IPO7: variants seen among roughly 807,000 people sequenced by gnomAD.
The protein encoded by IPO7 is importin-7.
Under a neutral mutation model 136.4 loss-of-function variants are expected in IPO7, and 13 were observed. The observed-to-expected ratio is 0.10, with a 90% CI of 0.06 to 0.15. The LOEUF (loss-of-function observed/expected upper bound fraction) is 0.15, where lower values mean the gene tolerates loss of function less well. Ranked by LOEUF, IPO7 falls within the 10% of genes least tolerant of loss-of-function variation. IPO7 has a pLI of 1.00. For missense variants in IPO7, 857 were observed against 1,240.6 expected, an observed-to-expected ratio of 0.69 and a Z score of 4.65; for synonymous variants, 403 against 404.4, an observed-to-expected ratio of 1.00 and a Z score of 0.04.
chr11:9,401,890 T>G (rs1030504009), intron 1 of IPO7, among the ~76,000 whole-genome samples: 2 of 152,170 alleles, frequency 1.3e-5, no homozygotes, highest in Non-Finnish European at 2.9e-5. Flanking sequence ...GAAATAACAT[T>G]ATTACCACCT....
intron 18 of IPO7, among the ~76,000 whole-genome samples, chr11:9,434,411 A>T (rs1855342510): frequency 6.6e-6 from 1 of 152,178 alleles, no homozygotes; most frequent in Non-Finnish European, 1.5e-5. Flanking sequence ...TAAATGTAAA[A>T]ATGTGTCTAT....
intron 10 of IPO7, among the ~76,000 whole-genome samples, 173 bp from the exon 11 acceptor site, chr11:9,424,741 C>T (rs940477291): frequency 6.6e-6 from 1 of 152,246 alleles, no homozygotes. Context: ...GACTCCATCT[C>T]AAAACAAACA....
At chr11:9,385,929 G>C (rs1385581950) in intron 1 of IPO7, among the ~76,000 whole-genome samples, 1 of 152,198 alleles carries the variant, frequency 6.6e-6, no homozygotes, top group Non-Finnish European at 1.5e-5. Context: ...GCATGCTGCT[G>C]AATCTGCCAG....
Position 9,438,206 on chromosome 11 carries a change from G to A in IPO7, c.2616G>A (p.Leu872=), listed in dbSNP as rs766115268. Residue 872 remains leucine, a synonymous_variant, in exon 22 of 25, where the codon TTG becomes TTA. Transcript: ENST00000379719. ...LPAFILLFNG[L]KRAYACHAEH... ...CTTTTATCCTTTTATTTAACGGATT[G>A]AAAAGAGCATATGCCTGCCATGCAG... The A allele has an allele frequency of 1.2e-6, 2 of 1,613,322 alleles. No individual in the cohort carries two copies. The highest frequency in any genetic ancestry group is 2.7e-5 in the African/African-American group (2 of 74,828).
intron 1 of IPO7, among the ~76,000 whole-genome samples, chr11:9,395,379 G>A (rs997610475): frequency 1.3e-5 from 2 of 152,080 alleles, no homozygotes; most frequent in African/African-American, 4.8e-5. Context: ...GAGTAGCTGG[G>A]ATTACAGGCG....
At chr11:9,389,518 G>A (rs1854598878) in intron 1 of IPO7, among the ~76,000 whole-genome samples, 1 of 152,114 alleles carries the variant, frequency 6.6e-6, no homozygotes. Context: ...TAATCACCAC[G>A]TCACTGGCCC....
intron 1 of IPO7, among the ~76,000 whole-genome samples, chr11:9,397,340 A>AT (rs1564991960): frequency 2.1e-5 from 1 of 48,364 alleles, no homozygotes; most frequent in African/African-American, 1.1e-4. Flanking sequence ...ATTTAAAAAA[A>AT]AATATATATA....
intron 5 of IPO7, among the ~76,000 whole-genome samples, chr11:9,414,779 C>T (rs1855018134): frequency 6.6e-6 from 1 of 151,568 alleles, no homozygotes; most frequent in Admixed American, 6.6e-5. Context: ...GCACGTGCCA[C>T]CACACCTGGC....
chr11:9,440,733 G>A (rs1855450602), intron 23 of IPO7, 72 bp downstream of exon 23: 1 of 1,203,940 alleles, frequency 8.3e-7, no homozygotes, highest in African/African-American at 1.5e-5. Context: ...GCCCTTTAAA[G>A]GAAGAGTTTG....
Position 9,414,289 on chromosome 11 carries a change from G to C in IPO7, c.514G>C (p.Ala172Pro). 1 of 1,612,656 alleles carries C rather than the reference G, an allele frequency of 6.2e-7. No individual in the cohort carries two copies. Among genetic ancestry groups the C allele is most frequent in the Non-Finnish European group, 8.5e-7 (1 of 1,179,460 alleles). Residue 172 changes from alanine to proline, a missense_variant, in exon 5 of 25, where the codon GCA (alanine) becomes CCA (proline). Physicochemically the swap from Ala to Pro is conservative, Grantham distance 27 (BLOSUM62 -1). Transcript: ENST00000379719. ...ACCAGAGGAGCGGAGTCCATTGGTA[G>C]CAGCAATGCAGCATTTTCTGCCAGT... ...KKPEERSPLV[A>P]AMQHFLPVLK...
intron 18 of IPO7, 77 bp downstream of exon 18, chr11:9,433,923 C>CTTT (rs35376155): frequency 3.5e-4 from 364 of 1,041,714 alleles, no homozygotes; most frequent in East Asian, 5.7e-4. Flanking sequence ...TGAACATACA[C>CTTT]TTTTTTTTTT....
At chr11:9,419,559 A>AAAAAAAAAAATATATATATATAT (rs1256216265) in intron 6 of IPO7, among the ~76,000 whole-genome samples, 2 of 116,866 alleles carry the variant, frequency 1.7e-5, no homozygotes, top group African/African-American at 7.5e-5. Context: ...AAAAAAAAAA[A>AAAAAAAAAAATATATATATATAT]ATATATATAT....
At chr11:9,410,501 C>G (rs1391185944) in intron 4 of IPO7, among the ~76,000 whole-genome samples, 1 of 152,010 alleles carries the variant, frequency 6.6e-6, no homozygotes, top group Non-Finnish European at 1.5e-5. Context: ...TGATTAACTT[C>G]CTCTGATTCT....
At chr11:9,395,046 C>T (rs1016697463) in intron 1 of IPO7, among the ~76,000 whole-genome samples, 3 of 151,964 alleles carry the variant, frequency 2.0e-5, no homozygotes, top group Non-Finnish European at 2.9e-5. Context: ...GACTACTGGG[C>T]ATATAATTAG....
chr11:9,445,454 A>G lies in IPO7; in HGVS notation c.*260A>G. The G allele has an allele frequency of 3.2e-6, 1 of 316,206 alleles. No individual in the cohort carries two copies. The highest frequency in any genetic ancestry group is 5.9e-6 in the Non-Finnish European group (1 of 170,558). The allele number at this position is 316,206 out of a possible 1,614,324, so 19.6% of individuals were successfully genotyped here. A position where few individuals can be genotyped will look rare whatever the true frequency, so the allele number is the denominator to read the frequency against. ...ATTTTTTGAAGAAAGTAAGATCCTGACTCTGAAGCTTCAAAGTGACACTGT... is the reference window on the plus strand; with the variant it reads ...ATTTTTTGAAGAAAGTAAGATCCTGGCTCTGAAGCTTCAAAGTGACACTGT... On this transcript the variant is annotated 3_prime_UTR_variant, in exon 25 of 25. Transcript: ENST00000379719.
At position 9,447,045 on chromosome 11, in the gene IPO7, A is replaced by G. The variant is rs959543617; in HGVS notation, c.*1851A>G. ...AAGTCAATAAAAATGAAGTAGTTGT[A>G]TATATGCAACATTGTGTACAGAGGG... is the stretch of plus-strand genomic sequence containing the variant. On this transcript the variant is annotated 3_prime_UTR_variant, in exon 25 of 25. Transcript: ENST00000379719. The G allele has an allele frequency of 3.9e-5, 6 of 152,222 alleles. No homozygotes were observed. Among genetic ancestry groups the G allele is most frequent in the African/African-American group, 1.4e-4 (6 of 41,474 alleles). 9.4% of individuals were successfully genotyped at this position (152,222 alleles called of 1,614,324 possible). A position where few individuals can be genotyped will look rare whatever the true frequency, so the allele number is the denominator to read the frequency against.
intron 6 of IPO7, among the ~76,000 whole-genome samples, chr11:9,419,615 A>G (rs975097749): frequency 1.2e-4 from 18 of 147,238 alleles, no homozygotes; most frequent in East Asian, 9.8e-4. Context: ...TTATTAATGT[A>G]TAATGATCCA....
At chr11:9,427,117 C>T (rs1232421792) in intron 12 of IPO7, among the ~76,000 whole-genome samples, 2 of 151,642 alleles carry the variant, frequency 1.3e-5, no homozygotes, top group Non-Finnish European at 2.9e-5. Context: ...CCCAAAGTGC[C>T]AGGATTACAG....
chr11:9,431,155 T>G, intron 16 of IPO7, 152 bp downstream of exon 16: 1 of 519,914 alleles, frequency 1.9e-6, no homozygotes, highest in Non-Finnish European at 3.2e-6. Context: ...TTCTAAAGTA[T>G]TAGTAGAAGG....
Sources: allele counts gnomAD v4.1 joint callset (sites outside exome capture counted in the v4.1 genomes callset), GRCh38; gene constraint gnomAD v4.1.1; transcripts MANE v1.5; gene names NCBI Gene and HGNC (gene_info 2026-07-23, HGNC 2026-07-21).